The following CCDC175 variants were observed in gnomAD, a reference collection of about 807,000 sequenced individuals.
CCDC175 encodes coiled-coil domain containing 175, also known as coiled-coil domain-containing protein 175.
In CCDC175, 100 loss-of-function variants were observed where a neutral mutation model predicts 114.6. The ratio of observed to expected loss-of-function variants is 0.87; its 90% CI spans 0.74 to 1.03. The LOEUF is 1.03. Ranked by LOEUF, CCDC175 falls within the 50% of genes least tolerant of loss-of-function variation. CCDC175 has a pLI of 0.00. For missense variants in CCDC175, 880 were observed against 917.8 expected (o/e 0.96, Z 0.53); for synonymous variants, 306 against 308.7 (o/e 0.99, Z 0.09).
At chr14:59,545,863 A>G (rs1895077183) in intron 8 of CCDC175, among the ~76,000 whole-genome samples, 1 of 152,232 alleles carries the variant, frequency 6.6e-6, no homozygotes, top group African/African-American at 2.4e-5. Flanking sequence ...AAATAGCTAC[A>G]TGAAAAAATA....
At chr14:59,548,725 T>C (rs1895264810) in intron 8 of CCDC175, among the ~76,000 whole-genome samples, 1 of 152,234 alleles carries the variant, frequency 6.6e-6, no homozygotes, top group Admixed American at 6.5e-5. Context: ...GTCTGGTTTC[T>C]GTCTGTTGTT....
At chr14:59,549,719 C>CAAAAAAAAAAAAAAAAAAA (rs370269871) in intron 8 of CCDC175, among the ~76,000 whole-genome samples, 3 of 89,626 alleles carry the variant, frequency 3.3e-5, no homozygotes, top group African/African-American at 8.5e-5. Flanking sequence ...GACTATGTCT[C>CAAAAAAAAAAAAAAAAAAA]AAAAAAAAAA....
intron 7 of CCDC175, among the ~76,000 whole-genome samples, chr14:59,556,849 A>T (rs1376853251): frequency 1.3e-5 from 2 of 152,228 alleles, no homozygotes; most frequent in Non-Finnish European, 2.9e-5. Flanking sequence ...TATGCAGCCA[A>T]AAGATACATG....
At chr14:59,526,449 A>G (rs1893741429) in intron 15 of CCDC175, among the ~76,000 whole-genome samples, 1 of 152,064 alleles carries the variant, frequency 6.6e-6, no homozygotes, top group African/African-American at 2.4e-5. Context: ...CTACTAAAAA[A>G]TACAAAAATT....
chr14:59,566,920 A>G (rs115866633), intron 4 of CCDC175, among the ~76,000 whole-genome samples: 4 of 152,316 alleles, frequency 2.6e-5, no homozygotes, highest in African/African-American at 7.2e-5. Flanking sequence ...GGTTCTCCCA[A>G]TGTGGTCAGG....
chr14:59,515,380 TAA>T lies in CCDC175; in HGVS notation c.2099-3579_2099-3578del, dbSNP rs539668386. Among the ~76,000 whole-genome samples the T allele has an allele frequency of 7.3e-3, 1,112 of 152,232 alleles. 13 individuals carry two copies. The highest frequency in any genetic ancestry group is 0.025 in the African/African-American group (1,050 of 41,520). On this transcript the variant is annotated intron_variant, in intron 17 of 19. Transcript: ENST00000537690. ...AAAAGACACAGACTGGCAAATTGGA[TAA>T]AGAGTTAAGACCCATCAGTGTGCTG...
intron 7 of CCDC175, among the ~76,000 whole-genome samples, chr14:59,553,908 G>C (rs1274135794): frequency 6.6e-6 from 1 of 152,194 alleles, no homozygotes; most frequent in Non-Finnish European, 1.5e-5. Flanking sequence ...TCAACATGAA[G>C]AGCTAACTAT....
At chr14:59,512,962 G>A (rs1892837861) in intron 17 of CCDC175, among the ~76,000 whole-genome samples, 1 of 152,136 alleles carries the variant, frequency 6.6e-6, no homozygotes, top group African/African-American at 2.4e-5. Context: ...CAGACTGCAT[G>A]TGAAGCTATA....
In CCDC175 at chr14:59,559,673, G is replaced by A. The variant is rs530011243; in HGVS notation, c.953+1446C>T. Among the ~76,000 whole-genome samples the A allele has an allele frequency of 2.0e-5, 3 of 152,256 alleles. No individual in the cohort carries two copies. In the East Asian group the frequency reaches 5.8e-4, roughly 29 times the overall value. On this transcript the variant is annotated intron_variant, in intron 7 of 19. Transcript: ENST00000537690. ...CCTATCTTCACAGACAGAGGAAACAGCTAAGGAAGAAAATAGAAAGAATAC... is the reference window on the plus strand; with the variant it reads ...CCTATCTTCACAGACAGAGGAAACAACTAAGGAAGAAAATAGAAAGAATAC...
At chr14:59,545,482 A>C (rs914361406) in intron 8 of CCDC175, among the ~76,000 whole-genome samples, 183 bp from the exon 9 acceptor site, 5 of 152,142 alleles carry the variant, frequency 3.3e-5, no homozygotes, top group Non-Finnish European at 7.4e-5. Flanking sequence ...GACCTCTACT[A>C]TAAATTTTTT....
rs1218236130 is a variant in CCDC175 at position 59,568,810 on chromosome 14, G to T, written c.356-430C>A. Among the ~76,000 whole-genome samples, 4 of 152,218 alleles carry T rather than the reference G, an allele frequency of 2.6e-5. No homozygotes were observed. The East Asian group carries it at 7.7e-4, about 29-fold the overall frequency. On this transcript the variant is annotated intron_variant, in intron 3 of 19. Transcript: ENST00000537690. ...TATTTCTCCCTCTCTCGCACTGATA[G>T]ATAGTCCTGAGAAGAAGTAACACTG...
At chr14:59,506,291 CTT>C (rs1383190546) in intron 19 of CCDC175, among the ~76,000 whole-genome samples, 5 of 109,572 alleles carry the variant, frequency 4.6e-5, no homozygotes, top group Non-Finnish European at 5.7e-5. Context: ...TTTTTTTTTT[CTT>C]TTTTTTTTTT....
intron 19 of CCDC175, among the ~76,000 whole-genome samples, chr14:59,509,013 T>C (rs764368159): frequency 1.7e-4 from 26 of 152,218 alleles, no homozygotes; most frequent in Non-Finnish European, 3.4e-4. Context: ...GGGTGGTCTT[T>C]TTATTTACAC....
Position 59,565,168 on chromosome 14 carries a change from G to A in CCDC175, c.599C>T (p.Thr200Ile). 2 of 1,537,616 alleles carry A rather than the reference G, an allele frequency of 1.3e-6. No homozygotes were observed. Among genetic ancestry groups the A allele is most frequent in the Non-Finnish European group, 1.7e-6 (2 of 1,147,008 alleles). Residue 200 changes from threonine (T) to isoleucine (I), a missense_variant, in exon 5 of 20, where the codon ACC becomes ATC. Transcript: ENST00000537690. ...TTTVYINETY[T>I]KINLKREDIA... ...GTCTTCTCTCTTCAAGTTTATTTTG[G>A]TATAAGTCTCATTTATGTAAACAGT...
At chr14:59,568,212 G>C in intron 4 of CCDC175, 33 bp downstream of exon 4, 1 of 1,506,776 alleles carries the variant, frequency 6.6e-7, no homozygotes, top group Non-Finnish European at 8.8e-7. Context: ...TCAGACCCCT[G>C]CTCCCTCAAA....
At chr14:59,551,196 T>G in intron 8 of CCDC175, 159 bp downstream of exon 8, 1 of 468,658 alleles carries the variant, frequency 2.1e-6, no homozygotes. Flanking sequence ...TTAAAGTACT[T>G]TGGGAGGAGA....
chr14:59,506,192 C>A (rs912210631), intron 19 of CCDC175, among the ~76,000 whole-genome samples: 1 of 151,780 alleles, frequency 6.6e-6, no homozygotes, highest in African/African-American at 2.4e-5. Flanking sequence ...CACATTGAAG[C>A]CATCTGGAGA....
In CCDC175 at chr14:59,529,680, G is replaced by T. The variant is rs1266043760; in HGVS notation, c.1762+2092C>A. 3.3e-5 allele frequency among the ~76,000 whole-genome samples: 5 copies of T among 152,154 alleles called. No homozygotes were observed. The East Asian group carries it at 9.6e-4, about 29-fold the overall frequency. On this transcript the variant is annotated intron_variant, in intron 14 of 19. Transcript: ENST00000537690. ...AATAATAAATCAGCAGATAGCAAAT[G>T]TCTTATCTCTTCCAGTGTCTTGGTA...
intron 2 of CCDC175, among the ~76,000 whole-genome samples, chr14:59,574,484 T>G (rs1897001133): frequency 6.6e-6 from 1 of 152,230 alleles, no homozygotes; most frequent in Admixed American, 6.5e-5. Flanking sequence ...TACCGTCTAC[T>G]TCAGTGGAAC....
Sources: allele counts gnomAD v4.1 joint callset (sites outside exome capture counted in the v4.1 genomes callset), GRCh38; gene constraint gnomAD v4.1.1; transcripts MANE v1.5; gene names NCBI Gene and HGNC (gene_info 2026-07-23, HGNC 2026-07-21).